The following NCOA1 variants were observed in gnomAD, a reference collection of about 807,000 sequenced individuals.
NCOA1 encodes the protein Hin-2 protein.
NCOA1 carries 35 observed loss-of-function variants against 150.9 expected under a neutral mutation model. That is an observed-to-expected ratio of 0.23 (90% confidence interval 0.18 to 0.31). The LOEUF is 0.31. Ranked by LOEUF, NCOA1 falls within the 10% of genes least tolerant of loss-of-function variation. NCOA1 has a pLI of 1.00. For synonymous variants in NCOA1, 590 were observed against 630.0 expected (o/e 0.94, Z 0.95); for missense variants, 1,491 against 1,749.3 (o/e 0.85, Z 2.63).
intron 3 of NCOA1, among the ~76,000 whole-genome samples, chr2:24,605,387 TTAAG>T (rs1558832173): frequency 6.6e-6 from 1 of 152,202 alleles, no homozygotes; most frequent in Non-Finnish European, 1.5e-5. Flanking sequence ...TATCTACCTC[TTAAG>T]TTTTTAAAAA....
intron 1 of NCOA1, among the ~76,000 whole-genome samples, chr2:24,514,327 A>C (rs1268205167): frequency 6.6e-6 from 1 of 151,422 alleles, no homozygotes; most frequent in Non-Finnish European, 1.5e-5. Context: ...AAAAAGAAAA[A>C]AAGAAAAATA....
At chr2:24,572,782 C>T (rs1666793784) in intron 2 of NCOA1, among the ~76,000 whole-genome samples, 1 of 152,130 alleles carries the variant, frequency 6.6e-6, no homozygotes, top group South Asian at 2.1e-4. Context: ...ACTGTGGCCA[C>T]ACAAAGTATC....
At chr2:24,605,808 T>G (rs1668337558) in intron 3 of NCOA1, among the ~76,000 whole-genome samples, 1 of 152,204 alleles carries the variant, frequency 6.6e-6, no homozygotes, top group Non-Finnish European at 1.5e-5. Flanking sequence ...TCTATGCCAC[T>G]TTTAGGCCTG....
At chr2:24,692,680 T>A (rs1672718844) in intron 9 of NCOA1, among the ~76,000 whole-genome samples, 1 of 152,238 alleles carries the variant, frequency 6.6e-6, no homozygotes, top group South Asian at 2.1e-4. Flanking sequence ...ATCCAGTACA[T>A]GAGATGCATC....
intron 6 of NCOA1, among the ~76,000 whole-genome samples, chr2:24,670,865 G>A (rs2033861): frequency 0.44 from 66,297 of 151,970 alleles, 16,163 homozygotes; most frequent in Admixed American, 0.6. Flanking sequence ...ATTATAAATA[G>A]TATGTGAGAT....
rs977844161 is a variant in NCOA1, at chr2:24,611,581, C to T, written c.-175+27021C>T. On this transcript the variant is annotated intron_variant, in intron 3 of 22. Coordinates refer to ENST00000348332, the MANE Select transcript of NCOA1 (RefSeq NM_003743.5). ...CCCACTAAAAATGTATAAGCATTCC[C>T]TTTTTTGTTTTATGAAGTTGGTGCT... 2.0e-5 allele frequency among the ~76,000 whole-genome samples: 3 copies of T among 152,214 alleles called. 1 individual carries two copies. The highest frequency in any genetic ancestry group is 2.0e-4 in the Admixed American group (3 of 15,294).
chr2:24,673,404 A>G lies in NCOA1; in HGVS notation c.295A>G (p.Ile99Val). Reference sequence around the variant, plus strand: ...TGATGACGATGTACAGAAATCAGACATCTCATCAAGTAGTCAAGGAGTGAT... The same window carrying G: ...TGATGACGATGTACAGAAATCAGACGTCTCATCAAGTAGTCAAGGAGTGAT... ...TTDDDVQKSDISSSSQGVIEK... is the reference protein window; with the variant it reads ...TTDDDVQKSDVSSSSQGVIEK... Residue 99 changes from isoleucine to valine, a missense_variant, in exon 7 of 23, where the codon ATC becomes GTC. Around this residue, in one of 8 missense-constraint regions of NCOA1, gnomAD observed 80 missense variants for 163.0 expected, o/e 0.49. Transcript: ENST00000348332. 1.3e-6 allele frequency: 2 copies of G among 1,589,596 alleles called. No homozygotes were observed. The highest frequency in any genetic ancestry group is 2.3e-5 in the East Asian group (1 of 43,554).
At chr2:24,706,291 A>G (rs1460564695) in intron 12 of NCOA1, among the ~76,000 whole-genome samples, 1 of 152,100 alleles carries the variant, frequency 6.6e-6, no homozygotes, top group African/African-American at 2.4e-5. Flanking sequence ...TTTTTACATT[A>G]TATTTTACAT....
intron 3 of NCOA1, among the ~76,000 whole-genome samples, chr2:24,614,231 T>G (rs1975447): frequency 8.1e-6 from 1 of 122,862 alleles, no homozygotes; most frequent in African/African-American, 3.1e-5. Flanking sequence ...TTTTTTTTTT[T>G]GCTATGGGGT....
At position 24,691,651 on chromosome 2, in the gene NCOA1, G is replaced by A. The variant is rs1387870053; in HGVS notation, c.703G>A (p.Asp235Asn). Residue 235 changes from aspartate to asparagine, a missense_variant, in exon 9 of 23, where the codon GAT becomes AAT. Coordinates refer to ENST00000348332, the MANE Select transcript of NCOA1 (RefSeq NM_003743.5). ...TVSQPKSIQE[D>N]GEDFQSCLIC... ...GTCACAGCCAAAATCAATTCAAGAG[G>A]ATGGAGAAGGTAAAGCCAAACGGTC... The A allele has an allele frequency of 1.9e-6, 3 of 1,613,378 alleles. No homozygotes were observed. The highest frequency in any genetic ancestry group is 1.7e-5 in the Admixed American group (1 of 59,928).
At chr2:24,542,591 A>G (rs1325741216) in intron 1 of NCOA1, among the ~76,000 whole-genome samples, 1 of 152,190 alleles carries the variant, frequency 6.6e-6, no homozygotes, top group African/African-American at 2.4e-5. Flanking sequence ...GACTAGTGAA[A>G]ACTTTATCGC....
intron 2 of NCOA1, among the ~76,000 whole-genome samples, chr2:24,577,307 T>G (rs529769896): frequency 6.6e-5 from 10 of 152,366 alleles, no homozygotes; most frequent in Non-Finnish European, 1.3e-4. Flanking sequence ...ATTCAAACAC[T>G]ATTAATTGTG....
intron 20 of NCOA1, among the ~76,000 whole-genome samples, chr2:24,756,783 T>A (rs1329409946): frequency 6.6e-6 from 1 of 152,200 alleles, no homozygotes; most frequent in African/African-American, 2.4e-5. Context: ...AAATACAAAG[T>A]GTCAAGTTGA....
In NCOA1 at chr2:24,697,776, T is replaced by C. The variant is rs1487303657; in HGVS notation, c.927T>C (p.Tyr309=). Residue 309 remains tyrosine, a synonymous_variant, in exon 11 of 23, where the codon TAT becomes TAC. Transcript: ENST00000348332. ...AACCTCAGGGCAGAGAACCATCTTA[T>C]GCCAGACAGCTGTTCCAAGAAGGTA... The part of the protein sequence containing the change: ...FFQPQGREPS[Y]ARQLFQEVMT... 5 of 1,613,628 alleles carry C rather than the reference T, an allele frequency of 3.1e-6. No individual in the cohort carries two copies. Among genetic ancestry groups the C allele is most frequent in the African/African-American group, 2.7e-5 (2 of 74,926 alleles).
intron 1 of NCOA1, among the ~76,000 whole-genome samples, chr2:24,496,282 T>C (rs889251792): frequency 1.3e-5 from 2 of 152,248 alleles, no homozygotes; most frequent in South Asian, 2.1e-4. Context: ...TTATCAAATG[T>C]AAATCATTTA....
intron 3 of NCOA1, among the ~76,000 whole-genome samples, chr2:24,614,232 G>A (rs1280243197): frequency 2.1e-4 from 2 of 9,470 alleles, no homozygotes; most frequent in South Asian, 5.8e-3. Context: ...TTTTTTTTTT[G>A]CTATGGGGTT....
intron 22 of NCOA1, among the ~76,000 whole-genome samples, chr2:24,763,004 A>G (rs1023434159): frequency 3.3e-5 from 5 of 152,322 alleles, no homozygotes; most frequent in Non-Finnish European, 5.9e-5. Flanking sequence ...AGAGGATTCA[A>G]TGAGATCAGT....
chr2:24,626,879 GT>G (rs993455284), intron 3 of NCOA1, among the ~76,000 whole-genome samples: 8 of 151,944 alleles, frequency 5.3e-5, no homozygotes, highest in Non-Finnish European at 1.2e-4. Context: ...TCATTATTCT[GT>G]TTTCTTTTCT....
intron 4 of NCOA1, among the ~76,000 whole-genome samples, chr2:24,655,263 T>C (rs753312253): frequency 3.3e-5 from 5 of 152,216 alleles, no homozygotes; most frequent in Non-Finnish European, 5.9e-5. Flanking sequence ...TATTTACCTT[T>C]GCTGAGTACA....
Sources: allele counts gnomAD v4.1 joint callset (sites outside exome capture counted in the v4.1 genomes callset), GRCh38; gene constraint gnomAD v4.1.1; regional missense constraint gnomAD v4.1.1; transcripts MANE v1.5; gene names NCBI Gene and HGNC (gene_info 2026-07-23, HGNC 2026-07-21).